Variants in BACH2 observed in about 807,000 individuals in gnomAD.
BACH2 encodes the protein transcription regulator protein BACH2.
Under a neutral mutation model 61.8 loss-of-function variants are expected in BACH2, and 5 were observed. The observed-to-expected ratio is 0.08, with a 90% CI of 0.04 to 0.17. The LOEUF is 0.17. BACH2 is among the 10% of genes least tolerant of loss of function. BACH2 has a pLI of 1.00. For missense variants in BACH2, 824 were observed against 1,091.1 expected (o/e 0.76, Z 3.45); for synonymous variants, 446 against 440.1 (o/e 1.01, Z -0.17).
rs1199348782 is a variant in BACH2, at chr6:89,928,441, A to G, written c.*3967T>C. The G allele has an allele frequency of 6.6e-6, 1 of 152,306 alleles. No individual in the cohort carries two copies. The highest frequency in any genetic ancestry group is 2.4e-5 in the African/African-American group (1 of 41,416). The allele number at this position is 152,306 out of a possible 1,614,324, so 9.4% of individuals were successfully genotyped here. A position where few individuals can be genotyped will look rare whatever the true frequency, so the allele number is the denominator to read the frequency against. ...GTCTTAACAGGCTTATCATTTTCAA[A>G]CCTTTGTCTGTTCCTTCTTTTTCTT... On this transcript the variant is annotated 3_prime_UTR_variant, in exon 9 of 9. Coordinates refer to ENST00000257749, the MANE Select transcript of BACH2 (RefSeq NM_021813.4).
Position 90,035,241 on chromosome 6 carries a change from A to G in BACH2, c.-12-26385T>C, listed in dbSNP as rs548218249. Among the ~76,000 whole-genome samples the G allele has an allele frequency of 2.6e-5, 4 of 152,248 alleles. No homozygotes were observed. The East Asian group carries it at 7.7e-4, about 29-fold the overall frequency. ...TACTCTTGCCTTTAAGTTCTATTAC[A>G]TCCTGAGAATGAAAATACACTCAGC... On this transcript the variant is annotated intron_variant, in intron 5 of 8. Transcript: ENST00000257749.
chr6:90,277,479 C>T (rs1384545459), intron 1 of BACH2, among the ~76,000 whole-genome samples: 1 of 152,082 alleles, frequency 6.6e-6, no homozygotes, highest in South Asian at 2.1e-4. Context: ...GTGGCTACCA[C>T]GGGTGAAGTA....
At chr6:90,088,549 C>T (rs1782026560) in intron 5 of BACH2, among the ~76,000 whole-genome samples, 1 of 152,116 alleles carries the variant, frequency 6.6e-6, no homozygotes, top group Non-Finnish European at 1.5e-5. Context: ...CTATTTATTA[C>T]TCAAGTATAT....
At position 89,940,694 on chromosome 6, in the gene BACH2, T is replaced by C. The variant is rs114707467; in HGVS notation, c.1837-2344A>G. On this transcript the variant is annotated intron_variant, in intron 7 of 8. Coordinates refer to ENST00000257749, the MANE Select transcript of BACH2 (RefSeq NM_021813.4). Reference sequence around the variant, plus strand: ...GCCCAGCCCTGTCTAATACAAACAATACGAGCTACATTTGTGATTTTAAAT... The same window carrying C: ...GCCCAGCCCTGTCTAATACAAACAACACGAGCTACATTTGTGATTTTAAAT... Among the ~76,000 whole-genome samples, 614 of 152,304 alleles carry C rather than the reference T, an allele frequency of 4.0e-3. 5 individuals are homozygous for C. The highest frequency in any genetic ancestry group is 0.014 in the African/African-American group (585 of 41,556).
chr6:90,175,540 C>T (rs1767957017), intron 4 of BACH2, among the ~76,000 whole-genome samples: 2 of 151,730 alleles, frequency 1.3e-5, no homozygotes, highest in African/African-American at 2.4e-5. Flanking sequence ...CTAATCCCTT[C>T]TTTTGAAAGA....
chr6:90,246,542 C>T (rs1010662612), intron 3 of BACH2, among the ~76,000 whole-genome samples: 14 of 151,660 alleles, frequency 9.2e-5, no homozygotes, highest in African/African-American at 2.7e-4. Flanking sequence ...TACATTCACC[C>T]GAAACAAAAT....
In BACH2 at chr6:89,930,465, T is replaced by C. The variant is rs1427905906; in HGVS notation, c.*1943A>G. ...ATAAAGAAACAAAGTCAACCATCTA[T>C]TCCCCACTGCCCACCACCCCATCCC... On this transcript the variant is annotated 3_prime_UTR_variant, in exon 9 of 9. Transcript: ENST00000257749. 1 of 152,740 alleles carries C rather than the reference T, an allele frequency of 6.5e-6. No individual in the cohort carries two copies. Among genetic ancestry groups the C allele is most frequent in the Non-Finnish European group, 1.5e-5 (1 of 68,058 alleles). 9.5% of individuals were successfully genotyped at this position (152,740 alleles called of 1,614,324 possible). A position where few individuals can be genotyped will look rare whatever the true frequency, so the allele number is the denominator to read the frequency against.
chr6:90,278,434 C>A (rs1771760485), intron 1 of BACH2, among the ~76,000 whole-genome samples: 1 of 152,226 alleles, frequency 6.6e-6, no homozygotes, highest in African/African-American at 2.4e-5. Context: ...TCCTTTGAAG[C>A]ACTTTTTTTA....
At chr6:90,065,646 CA>C (rs933616875) in intron 5 of BACH2, among the ~76,000 whole-genome samples, 2 of 152,164 alleles carry the variant, frequency 1.3e-5, no homozygotes, top group African/African-American at 4.8e-5. Flanking sequence ...CCAGTCGAGC[CA>C]GTCCAAACTA....
chr6:89,997,028 CACAT>C (rs1438155329), intron 6 of BACH2, among the ~76,000 whole-genome samples: 1 of 151,936 alleles, frequency 6.6e-6, no homozygotes, highest in African/African-American at 2.4e-5. Context: ...CACACACACA[CACAT>C]GCATGCTCCT....
intron 5 of BACH2, among the ~76,000 whole-genome samples, chr6:90,016,713 T>C (rs1413215530): frequency 1.3e-5 from 2 of 152,246 alleles, no homozygotes; most frequent in Admixed American, 1.3e-4. Flanking sequence ...GCAGGTATAC[T>C]AGTGATAAAT....
chr6:90,214,575 T>C (rs1769465747), intron 3 of BACH2, among the ~76,000 whole-genome samples: 1 of 152,084 alleles, frequency 6.6e-6, no homozygotes, highest in Non-Finnish European at 1.5e-5. Flanking sequence ...AAGCTATAAG[T>C]AGGATGTTAC....
intron 5 of BACH2, among the ~76,000 whole-genome samples, chr6:90,061,578 T>C (rs946349704): frequency 6.6e-6 from 1 of 151,916 alleles, no homozygotes; most frequent in Non-Finnish European, 1.5e-5. Context: ...GTTGCTGCCA[T>C]AAAGGTTTGG....
intron 4 of BACH2, among the ~76,000 whole-genome samples, chr6:90,196,716 A>G: frequency 6.6e-6 from 1 of 152,118 alleles, no homozygotes; most frequent in Non-Finnish European, 1.5e-5. Flanking sequence ...ACACGCGATG[A>G]TACTTTATCT....
At chr6:90,162,905 A>G (rs1767449864) in intron 4 of BACH2, among the ~76,000 whole-genome samples, 1 of 152,226 alleles carries the variant, frequency 6.6e-6, no homozygotes, top group Non-Finnish European at 1.5e-5. Context: ...CTGCAAACAC[A>G]TCTAGTGCTC....
intron 7 of BACH2, among the ~76,000 whole-genome samples, chr6:89,940,636 G>A (rs1773367306): frequency 6.6e-6 from 1 of 152,168 alleles, no homozygotes; most frequent in Admixed American, 6.5e-5. Context: ...GCCAGCAGAT[G>A]GCACTACAAA....
At chr6:90,127,967 T>C (rs1356765799) in intron 4 of BACH2, among the ~76,000 whole-genome samples, 2 of 152,234 alleles carry the variant, frequency 1.3e-5, no homozygotes. Context: ...AAGGTTTGCA[T>C]GGAGCTAACC....
chr6:90,008,245 G>C lies in BACH2; in HGVS notation c.243+357C>G, dbSNP rs1383391900. On this transcript the variant is annotated intron_variant, in intron 6 of 8. Coordinates refer to ENST00000257749, the MANE Select transcript of BACH2 (RefSeq NM_021813.4). This position sits in a 1 kb window ranked among gnomAD's most constrained non-coding sequence, Gnocchi z 4.1. Reference sequence around the variant, plus strand: ...CTTTTACTCTCAAGGGAAATCTAGTGATCCTTACACCATCTGAAAGACAGA... The same window carrying C: ...CTTTTACTCTCAAGGGAAATCTAGTCATCCTTACACCATCTGAAAGACAGA... The C allele has an allele frequency of 4.7e-6, 1 of 214,058 alleles. No individual in the cohort carries two copies. The highest frequency in any genetic ancestry group is 9.4e-6 in the Non-Finnish European group (1 of 106,644). 13.3% of individuals were successfully genotyped at this position (214,058 alleles called of 1,614,324 possible).
intron 7 of BACH2, among the ~76,000 whole-genome samples, chr6:89,941,071 C>T (rs1218455950): frequency 6.6e-6 from 1 of 152,090 alleles, no homozygotes; most frequent in African/African-American, 2.4e-5. Context: ...TCAAAATGCT[C>T]TTGGGTGAAG....
Sources: gnomAD v4.1 joint callset for allele counts (sites outside exome capture counted in the v4.1 genomes callset) on GRCh38, gnomAD v4.1.1 for gene constraint, Gnocchi (gnomAD v3.1) non-coding constraint, MANE v1.5 for transcripts, NCBI Gene and HGNC (gene_info 2026-07-23, HGNC 2026-07-21) for gene names.